The following IQCB1 variants were observed in gnomAD, a reference collection of about 807,000 sequenced individuals.
IQCB1 encodes the protein IQ motif containing B1, also known as IQ calmodulin-binding motif-containing protein 1.
A neutral mutation model predicts 84.4 loss-of-function variants in IQCB1; 56 were observed. That is an observed-to-expected ratio of 0.66 (90% CI 0.54 to 0.83). IQCB1 has a LOEUF of 0.83. Ranked by LOEUF, IQCB1 falls within the 40% of genes least tolerant of loss-of-function variation. The pLI is 0.00. For synonymous variants in IQCB1, 210 were observed against 234.8 expected (o/e 0.89, Z 0.96); for missense variants, 629 against 682.1 (o/e 0.92, Z 0.87).
chr3:121,787,350 G>T (rs6771158), intron 12 of IQCB1, among the ~76,000 whole-genome samples: 97,888 of 151,998 alleles, frequency 0.64, 31,985 homozygotes, highest in African/African-American at 0.71. Flanking sequence ...AGAGAACAAC[G>T]GGATGTTAGG....
At chr3:121,821,372 G>A (rs561893682) in intron 5 of IQCB1, among the ~76,000 whole-genome samples, 8 of 152,152 alleles carry the variant, frequency 5.3e-5, no homozygotes, top group African/African-American at 1.9e-4. Flanking sequence ...GTCCATTTCC[G>A]CTGCCTGTAA....
Position 121,799,279 on chromosome 3 carries a change from C to T in IQCB1, c.683G>A (p.Ser228Asn), listed in dbSNP as rs1256211510. Residue 228 changes from serine to asparagine, a missense_variant, in exon 8 of 15, where the codon AGT becomes AAT. Transcript: ENST00000310864. ...CAACAGTAGGAGTTTTGTAGCAGTA[C>T]TTCTTATAACTGGACTAGGAGTTGA... ...LFSTPSPVIR[S>N]TATKLLLLMA... is the part of the protein sequence containing the mutation. 1.2e-6 allele frequency: 2 copies of T among 1,608,608 alleles called. No individual in the cohort carries two copies. The highest frequency in any genetic ancestry group is 2.2e-5 in the South Asian group (2 of 90,652).
intron 10 of IQCB1, among the ~76,000 whole-genome samples, chr3:121,791,167 T>G (rs1360874131): frequency 2.0e-5 from 3 of 152,334 alleles, no homozygotes; most frequent in East Asian, 3.9e-4. Context: ...TAGACTTAAT[T>G]TGACATGTGT....
chr3:121,808,866 G>C, intron 6 of IQCB1, 50 bp downstream of exon 6: 1 of 1,074,598 alleles, frequency 9.3e-7, no homozygotes, highest in Middle Eastern at 2.2e-4. Flanking sequence ...CAAACTGTTA[G>C]CAGTTGACTC....
Position 121,807,382 on chromosome 3 carries a change from T to C in IQCB1, c.549A>G (p.Ala183=), listed in dbSNP as rs1559783404. ...LQADNVQIGS[A]VMMMLQNILQ... ...GTATATTCTGTAGCATCATCATGACTGCAGATCCTATTTGGACATTGTCAG... is the reference window on the plus strand; with the variant it reads ...GTATATTCTGTAGCATCATCATGACCGCAGATCCTATTTGGACATTGTCAG... The change falls in exon 7 of 15, where the codon GCA becomes GCG. Residue 183 remains alanine, a synonymous_variant. Coordinates refer to ENST00000310864, the MANE Select transcript of IQCB1 (RefSeq NM_001023570.4). The C allele has an allele frequency of 6.3e-6, 10 of 1,584,876 alleles. No homozygotes were observed. Among genetic ancestry groups the C allele is most frequent in the Non-Finnish European group, 6.1e-6 (7 of 1,153,950 alleles).
At chr3:121,809,140 T>C in intron 5 of IQCB1, 131 bp from the exon 6 acceptor site, 1 of 623,450 alleles carries the variant, frequency 1.6e-6, no homozygotes, top group Non-Finnish European at 2.9e-6. Flanking sequence ...ATGAGGGACA[T>C]GATTTTGTTG....
chr3:121,821,295 A>G (rs954176511), intron 5 of IQCB1, among the ~76,000 whole-genome samples: 1 of 152,150 alleles, frequency 6.6e-6, no homozygotes, highest in Non-Finnish European at 1.5e-5. Context: ...AGAATACTCT[A>G]TCTAACTCTG....
chr3:121,834,958 T>C lies in IQCB1; in HGVS notation c.-102+8A>G, dbSNP rs1708197007. The C allele has an allele frequency of 2.4e-6, 1 of 416,452 alleles. No individual in the cohort carries two copies. Among genetic ancestry groups the C allele is most frequent in the African/African-American group, 2.0e-5 (1 of 49,782 alleles). The allele number at this position is 416,452 out of a possible 1,614,324, so 25.8% of individuals were successfully genotyped here. On this transcript the variant is annotated splice_region_variant and intron_variant, in intron 1 of 14. Transcript: ENST00000310864. The stretch of plus-strand genomic sequence containing the variant: ...CTCCCTCCCCAGCCACCACCTCAGA[T>C]AAGTTACCTCATCCTCGCTTCGCGT...
rs1208118755 is a variant in IQCB1, at chr3:121,772,499, G to C, written c.1567+58C>G. The C allele has an allele frequency of 1.5e-5, 23 of 1,574,408 alleles. No homozygotes were observed. In the Middle Eastern group the frequency reaches 5.0e-4, roughly 34 times the overall value. On this transcript the variant is annotated intron_variant, in intron 14 of 14. Transcript: ENST00000310864. ...TGGTTTCCTTCTAAAGGTTTTGGAT[G>C]TCACAAACCTCGCATAGGTTGTTCC...
At chr3:121,792,543 T>C (rs1159465103) in intron 10 of IQCB1, among the ~76,000 whole-genome samples, 2 of 141,748 alleles carry the variant, frequency 1.4e-5, no homozygotes, top group African/African-American at 2.7e-5. Flanking sequence ...GCGCCTGTAG[T>C]CCCAGCTACT....
intron 5 of IQCB1, among the ~76,000 whole-genome samples, chr3:121,819,292 A>T (rs1023815076): frequency 6.6e-6 from 1 of 152,174 alleles, no homozygotes; most frequent in Non-Finnish European, 1.5e-5. Flanking sequence ...TGAGCCTGCA[A>T]CCTAGATCCC....
intron 10 of IQCB1, among the ~76,000 whole-genome samples, chr3:121,793,036 G>T (rs1181082758): frequency 6.6e-6 from 1 of 152,192 alleles, no homozygotes; most frequent in Non-Finnish European, 1.5e-5. Context: ...CCATTAAAGT[G>T]GGAGTTGACC....
intron 2 of IQCB1, among the ~76,000 whole-genome samples, chr3:121,832,769 C>T (rs916654384): frequency 6.6e-6 from 1 of 151,950 alleles, no homozygotes; most frequent in Non-Finnish European, 1.5e-5. Context: ...TTTTGTTTTC[C>T]TTACATATCT....
intron 5 of IQCB1, among the ~76,000 whole-genome samples, chr3:121,821,492 C>T: frequency 6.6e-6 from 1 of 152,188 alleles, no homozygotes; most frequent in East Asian, 1.9e-4. Flanking sequence ...TTGTTCCCTA[C>T]TCTTCCCCTT....
intron 7 of IQCB1, among the ~76,000 whole-genome samples, chr3:121,799,874 ATGT>A (rs1949339871): frequency 1.3e-5 from 2 of 151,830 alleles, no homozygotes; most frequent in African/African-American, 4.8e-5. Context: ...TGTATTACTG[ATGT>A]TGTGAAAAAT....
chr3:121,773,878 G>GAA (rs1188819393), intron 13 of IQCB1, among the ~76,000 whole-genome samples: 1 of 145,764 alleles, frequency 6.9e-6, no homozygotes, highest in South Asian at 2.2e-4. Flanking sequence ...CAAAGCACAG[G>GAA]AAAAAAAAAA....
At chr3:121,825,480 T>C (rs886095958) in intron 5 of IQCB1, among the ~76,000 whole-genome samples, 1 of 152,078 alleles carries the variant, frequency 6.6e-6, no homozygotes, top group Non-Finnish European at 1.5e-5. Context: ...GACCAAAACA[T>C]AATTAAATTA....
chr3:121,829,038 G>A (rs918618203), intron 2 of IQCB1, 66 bp from the exon 3 acceptor site: 1 of 832,528 alleles, frequency 1.2e-6, no homozygotes, highest in Non-Finnish European at 2.1e-6. Flanking sequence ...CCTAAATAAT[G>A]TTTGAAATAT....
chr3:121,804,624 T>C (rs143912314), intron 7 of IQCB1, among the ~76,000 whole-genome samples: 1,818 of 152,294 alleles, frequency 0.012, 12 homozygotes, highest in Non-Finnish European at 0.02. Context: ...TTTTCATCTC[T>C]GGTTGCTTTT....
Sources: gnomAD v4.1 joint callset for allele counts (sites outside exome capture counted in the v4.1 genomes callset) on GRCh38, gnomAD v4.1.1 for gene constraint, MANE v1.5 for transcripts, NCBI Gene and HGNC (gene_info 2026-07-23, HGNC 2026-07-21) for gene names.